The following PHF24 variants were observed in gnomAD, a reference collection of about 807,000 sequenced individuals.
PHF24 encodes the protein Galpha inhibitory interacting protein.
PHF24 carries 25 observed loss-of-function variants against 42.6 expected under a neutral mutation model. That is an observed-to-expected ratio of 0.59 (90% CI 0.43 to 0.82). The LOEUF (loss-of-function observed/expected upper bound fraction) is 0.82. Ranked by LOEUF, PHF24 falls within the 40% of genes least tolerant of loss-of-function variation. The probability of loss-of-function intolerance (pLI) is 0.00; values close to 1 mark genes in which losing one functional copy is unlikely to be tolerated. For missense variants in PHF24, 470 were observed against 538.1 expected, an observed-to-expected ratio of 0.87 and a Z score of 1.25; for synonymous variants, 185 against 204.8, an observed-to-expected ratio of 0.90 and a Z score of 0.83.
At chr9:34,820,638 A>T in the PHF24 span, among the ~76,000 whole-genome samples, 1 of 152,118 alleles carries the variant, frequency 6.6e-6, no homozygotes, top group South Asian at 2.1e-4. Flanking sequence ...TCTATTATTG[A>T]TGGGTATTTA....
At chr9:34,836,775 G>C in the PHF24 span, among the ~76,000 whole-genome samples, 2 of 152,152 alleles carry the variant, frequency 1.3e-5, no homozygotes, top group Non-Finnish European at 2.9e-5. Flanking sequence ...CTCTTGACTG[G>C]ATAACATATC....
the PHF24 span, among the ~76,000 whole-genome samples, chr9:34,900,632 A>G: frequency 1.3e-5 from 2 of 152,206 alleles, no homozygotes; most frequent in African/African-American, 2.4e-5. Context: ...TTTAATGTCT[A>G]TAAATGGGCA....
chr9:34,823,464 G>A, the PHF24 span, among the ~76,000 whole-genome samples: 1 of 152,016 alleles, frequency 6.6e-6, no homozygotes, highest in Non-Finnish European at 1.5e-5. Context: ...CAGCACCTTC[G>A]GGTCCCATCC....
chr9:34,833,760 T>C, the PHF24 span: 59 of 1,547,698 alleles, frequency 3.8e-5, no homozygotes, highest in South Asian at 6.4e-4. Context: ...TCTGTACAAC[T>C]CTCATTGTTG....
chr9:34,754,131 C>T, the PHF24 span, among the ~76,000 whole-genome samples: 1 of 151,950 alleles, frequency 6.6e-6, no homozygotes, highest in Admixed American at 6.6e-5. Context: ...CAAGTACAGT[C>T]AACCAAAGCA....
At chr9:34,826,084 G>A in the PHF24 span, among the ~76,000 whole-genome samples, 1 of 152,072 alleles carries the variant, frequency 6.6e-6, no homozygotes, top group Admixed American at 6.5e-5. Context: ...GGGGTAGTTG[G>A]CAGCACCCAC....
At chr9:34,794,269 C>T in the PHF24 span, among the ~76,000 whole-genome samples, 1 of 152,134 alleles carries the variant, frequency 6.6e-6, no homozygotes, top group East Asian at 1.9e-4. Context: ...ACTGAACTGA[C>T]ATGGAAACAC....
chr9:34,688,525 G>A, the PHF24 span, among the ~76,000 whole-genome samples: 2 of 152,174 alleles, frequency 1.3e-5, no homozygotes, highest in African/African-American at 4.8e-5. Context: ...GACTGTAGGG[G>A]TGGTGGTAGG....
At chr9:34,919,135 A>G in the PHF24 span, among the ~76,000 whole-genome samples, 1 of 152,204 alleles carries the variant, frequency 6.6e-6, no homozygotes, top group Non-Finnish European at 1.5e-5. Context: ...CCATTTTATT[A>G]TACGTGTTTA....
At chr9:34,800,013 G>A in the PHF24 span, among the ~76,000 whole-genome samples, 1 of 152,050 alleles carries the variant, frequency 6.6e-6, no homozygotes, top group Admixed American at 6.6e-5. Context: ...AGTGGAAGAT[G>A]AGAAATTACT....
chr9:34,710,174 A>G, the PHF24 span: 1 of 826,216 alleles, frequency 1.2e-6, no homozygotes, highest in Non-Finnish European at 2.0e-6. Context: ...ATGTAGCTAG[A>G]CACTTTCACT....
chr9:34,690,001 G>A, the PHF24 span: 2 of 1,614,074 alleles, frequency 1.2e-6, no homozygotes, highest in Non-Finnish European at 1.7e-6. Context: ...GCACAGAGCT[G>A]GCGGCCCCTC....
At chr9:34,722,222 G>C in the PHF24 span, among the ~76,000 whole-genome samples, 1 of 152,200 alleles carries the variant, frequency 6.6e-6, no homozygotes, top group Non-Finnish European at 1.5e-5. Context: ...GGTAGCAGTA[G>C]AGAGGGTGAG....
chr9:34,972,238 C>T lies in PHF24; in HGVS notation c.379-108C>T, dbSNP rs757367258. On this transcript the variant is annotated intron_variant, in intron 2 of 7. Transcript: ENST00000242315. ...CTTCAGTTGGGGCTGTTCCTCTAGG[C>T]TAATCTGGGAAGACTCAGCCCCATG... 5.9e-5 allele frequency: 58 copies of T among 988,678 alleles called. No homozygotes were observed. The South Asian group carries it at 7.2e-4, about 12-fold the overall frequency. 61.2% of individuals were successfully genotyped at this position (988,678 alleles called of 1,614,324 possible).
chr9:34,863,001 G>C, the PHF24 span, among the ~76,000 whole-genome samples: 808 of 151,844 alleles, frequency 5.3e-3, 11 homozygotes, highest in Admixed American at 0.024. Context: ...ATCAGCAATA[G>C]CCTGGGAGTG....
the PHF24 span, among the ~76,000 whole-genome samples, chr9:34,892,493 G>A: frequency 6.6e-6 from 1 of 152,184 alleles, no homozygotes; most frequent in Non-Finnish European, 1.5e-5. Context: ...CCTCAGTTGT[G>A]GGAATATGTG....
the PHF24 span, among the ~76,000 whole-genome samples, chr9:34,860,758 A>G: frequency 6.6e-6 from 1 of 151,942 alleles, no homozygotes; most frequent in Non-Finnish European, 1.5e-5. Context: ...TTTATATTCA[A>G]TTTCTATAAA....
chr9:34,827,773 C>T, the PHF24 span, among the ~76,000 whole-genome samples: 2 of 152,118 alleles, frequency 1.3e-5, no homozygotes, highest in Non-Finnish European at 2.9e-5. Context: ...CTCAGGGCAG[C>T]CTATTTATCT....
At chr9:34,977,910 C>A in intron 7 of PHF24, 105 bp from the exon 8 acceptor site, 1 of 893,466 alleles carries the variant, frequency 1.1e-6, no homozygotes, top group Non-Finnish European at 1.9e-6. Context: ...GGGATCAGGG[C>A]TCACGCGTCT....
Sources: allele counts gnomAD v4.1 joint callset (sites outside exome capture counted in the v4.1 genomes callset), GRCh38; gene constraint gnomAD v4.1.1; transcripts MANE v1.5; gene names NCBI Gene and HGNC (gene_info 2026-07-23, HGNC 2026-07-21).